The following ZNF804A variants were observed in gnomAD, a reference collection of about 807,000 sequenced individuals.
ZNF804A encodes zinc finger protein 804A.
ZNF804A carries 2 observed loss-of-function variants against 16.5 expected under a neutral mutation model. The ratio of observed to expected loss-of-function variants is 0.12; its 90% CI spans 0.05 to 0.38. The LOEUF is 0.38. Among genes scored for constraint, ZNF804A ranks in the 10% least tolerant of loss-of-function variants. ZNF804A has a pLI of 0.99. For missense variants in ZNF804A, 1,473 were observed against 1,390.7 expected (o/e 1.06, Z -0.94); for synonymous variants, 534 against 489.6 (o/e 1.09, Z -1.20).
At chr2:184,742,099 T>G (rs2105753340) in intron 1 of ZNF804A, among the ~76,000 whole-genome samples, 1 of 152,180 alleles carries the variant, frequency 6.6e-6, no homozygotes, top group South Asian at 2.1e-4. Context: ...GCCCTGTTGG[T>G]GTAAGTGTAA....
intron 1 of ZNF804A, among the ~76,000 whole-genome samples, chr2:184,836,746 A>G (rs1695354050): frequency 6.6e-6 from 1 of 151,094 alleles, no homozygotes; most frequent in Admixed American, 6.6e-5. Flanking sequence ...GCATTTTTTA[A>G]TAGTCTTTTC....
intron 1 of ZNF804A, among the ~76,000 whole-genome samples, chr2:184,692,318 A>G (rs1193988767): frequency 6.6e-6 from 1 of 152,182 alleles, no homozygotes; most frequent in African/African-American, 2.4e-5. Context: ...CCCTAGGACT[A>G]GCGCCATGTG....
At chr2:184,722,386 T>C (rs2105743029) in intron 1 of ZNF804A, among the ~76,000 whole-genome samples, 1 of 152,206 alleles carries the variant, frequency 6.6e-6, no homozygotes, top group South Asian at 2.1e-4. Context: ...TTTATGTTTT[T>C]AGAATTTTGA....
At chr2:184,735,429 C>A (rs1309790190) in intron 1 of ZNF804A, among the ~76,000 whole-genome samples, 1 of 151,930 alleles carries the variant, frequency 6.6e-6, no homozygotes, top group African/African-American at 2.4e-5. Context: ...ACATCACACA[C>A]CGGGGCCTGT....
At chr2:184,651,099 T>C (rs1401355775) in intron 1 of ZNF804A, among the ~76,000 whole-genome samples, 1 of 151,980 alleles carries the variant, frequency 6.6e-6, no homozygotes, top group Non-Finnish European at 1.5e-5. Context: ...TTCAGATACA[T>C]AGACCAATGG....
chr2:184,827,526 T>C (rs1387749045), intron 1 of ZNF804A, among the ~76,000 whole-genome samples: 1 of 148,234 alleles, frequency 6.7e-6, no homozygotes, highest in East Asian at 1.9e-4. Context: ...TTCACCCCAA[T>C]TATAATATGT....
At chr2:184,611,871 T>C (rs188633331) in intron 1 of ZNF804A, among the ~76,000 whole-genome samples, 32 of 152,332 alleles carry the variant, frequency 2.1e-4, no homozygotes, top group African/African-American at 6.7e-4. Flanking sequence ...TAGTAATTAT[T>C]TTTGGCCATT....
At chr2:184,869,184 A>G (rs1039741471) in intron 2 of ZNF804A, among the ~76,000 whole-genome samples, 1 of 152,012 alleles carries the variant, frequency 6.6e-6, no homozygotes, top group Non-Finnish European at 1.5e-5. Context: ...CATTTCAGAT[A>G]AGGGACACTC....
intron 1 of ZNF804A, among the ~76,000 whole-genome samples, chr2:184,607,901 G>A (rs1302276222): frequency 1.4e-5 from 2 of 139,774 alleles, no homozygotes; most frequent in African/African-American, 2.7e-5. Flanking sequence ...TTGAAACAAG[G>A]TTAACTGCAC....
At chr2:184,757,232 T>C (rs2105761492) in intron 1 of ZNF804A, among the ~76,000 whole-genome samples, 1 of 152,156 alleles carries the variant, frequency 6.6e-6, no homozygotes, top group African/African-American at 2.4e-5. Flanking sequence ...CAGAGGGTAA[T>C]TGAAATTCAT....
intron 1 of ZNF804A, among the ~76,000 whole-genome samples, chr2:184,651,890 C>T (rs1291294508): frequency 1.3e-5 from 2 of 152,068 alleles, no homozygotes; most frequent in Non-Finnish European, 2.9e-5. Context: ...AGAGGTTTCT[C>T]ACAGAAGTTA....
chr2:184,747,834 CT>C (rs1693814011), intron 1 of ZNF804A, among the ~76,000 whole-genome samples: 1 of 151,214 alleles, frequency 6.6e-6, no homozygotes, highest in Admixed American at 6.6e-5. Flanking sequence ...GCCACAGTGT[CT>C]GTTTTTCCTA....
At chr2:184,919,579 T>G (rs1192011095) in intron 2 of ZNF804A, among the ~76,000 whole-genome samples, 1 of 152,172 alleles carries the variant, frequency 6.6e-6, no homozygotes, top group Non-Finnish European at 1.5e-5. Flanking sequence ...CGTCTTCCTG[T>G]TTTTCTCCCA....
At chr2:184,682,317 G>A (rs1002668833) in intron 1 of ZNF804A, among the ~76,000 whole-genome samples, 4 of 152,190 alleles carry the variant, frequency 2.6e-5, no homozygotes, top group Non-Finnish European at 5.9e-5. Context: ...ACCCCATTAC[G>A]TTATGGTTGA....
intron 1 of ZNF804A, among the ~76,000 whole-genome samples, chr2:184,820,705 C>A (rs1261006011): frequency 2.0e-5 from 3 of 152,058 alleles, no homozygotes; most frequent in Non-Finnish European, 4.4e-5. Flanking sequence ...AGCCAATAAG[C>A]AACTTCAGCA....
At chr2:184,791,851 G>C (rs1460451768) in intron 1 of ZNF804A, among the ~76,000 whole-genome samples, 1 of 152,074 alleles carries the variant, frequency 6.6e-6, no homozygotes, top group African/African-American at 2.4e-5. Context: ...AACCCTGGCA[G>C]CCACTGATAG....
At chr2:184,723,009 C>T (rs901665933) in intron 1 of ZNF804A, among the ~76,000 whole-genome samples, 4 of 151,798 alleles carry the variant, frequency 2.6e-5, no homozygotes, top group African/African-American at 7.3e-5. Context: ...GTGAAGACAC[C>T]ATCTGGCATA....
chr2:184,633,330 A>G (rs999025687), intron 1 of ZNF804A, among the ~76,000 whole-genome samples: 6 of 152,220 alleles, frequency 3.9e-5, no homozygotes, highest in African/African-American at 1.4e-4. Flanking sequence ...TGCAAACATT[A>G]CTAGTCTCTG....
intron 1 of ZNF804A, among the ~76,000 whole-genome samples, chr2:184,606,157 G>A (rs1422667553): frequency 6.6e-6 from 1 of 152,132 alleles, no homozygotes; most frequent in Non-Finnish European, 1.5e-5. Flanking sequence ...ACCTACAATA[G>A]TAGCATATTA....
Sources: allele counts gnomAD v4.1 joint callset (sites outside exome capture counted in the v4.1 genomes callset), GRCh38; gene constraint gnomAD v4.1.1; transcripts MANE v1.5; gene names NCBI Gene and HGNC (gene_info 2026-07-23, HGNC 2026-07-21).